Variants in PHF11 observed in about 807,000 individuals in gnomAD.
The protein encoded by PHF11 is BRCA1 C-terminus-associated protein.
In PHF11, 38 loss-of-function variants were observed where a neutral mutation model predicts 40.5. That is an observed-to-expected ratio of 0.94 (90% CI 0.72 to 1.23). The LOEUF is 1.23. Among genes scored for constraint, PHF11 ranks in the 50% most tolerant of loss-of-function variants. PHF11 has a pLI of 0.00. For missense variants in PHF11, 369 were observed against 392.4 expected, an observed-to-expected ratio of 0.94 and a Z score of 0.50; for synonymous variants, 127 against 138.2, an observed-to-expected ratio of 0.92 and a Z score of 0.57.
Position 49,521,056 on chromosome 13 carries a change from A to C in PHF11, c.505+116A>C. 8.5e-6 allele frequency: 12 copies of C among 1,404,760 alleles called. No individual in the cohort carries two copies. In the South Asian group the frequency reaches 9.6e-5, roughly 11 times the overall value. The allele number at this position is 1,404,760 out of a possible 1,614,324, so 87.0% of individuals were successfully genotyped here. On this transcript the variant is annotated intron_variant, in intron 5 of 9. Coordinates refer to ENST00000378319, the MANE Select transcript of PHF11 (RefSeq NM_001040443.3). The stretch of plus-strand genomic sequence containing the variant: ...ATTAAAATACAAATGTTTGAGTTAA[A>C]ATTTTACACATCTAGAAAATTGACA...
Position 49,517,720 on chromosome 13 carries a change from C to A in PHF11, c.325-298C>A, listed in dbSNP as rs547929115. On this transcript the variant is annotated intron_variant, in intron 3 of 9. Transcript: ENST00000378319. ...TGCCCACTCTGCTTTTTAGAAAATT[C>A]TTTTTAAAAGACAGAGACTGTTTTT... Among the ~76,000 whole-genome samples the A allele has an allele frequency of 5.5e-4, 84 of 152,158 alleles. 1 individual carries two copies. Among genetic ancestry groups the A allele is most frequent in the Non-Finnish European group, 1.0e-3 (69 of 68,016 alleles).
rs1164400077 is a variant in PHF11 at position 49,528,735 on chromosome 13, GA to G, written c.*73del. 7 of 1,106,784 alleles carry G rather than the reference GA, an allele frequency of 6.3e-6. No homozygotes were observed. The East Asian group carries it at 1.6e-4, about 26-fold the overall frequency. 68.6% of individuals were successfully genotyped at this position (1,106,784 alleles called of 1,614,324 possible). On this transcript the variant is annotated 3_prime_UTR_variant, in exon 10 of 10. Transcript: ENST00000378319. ...GGCTCAAAACCAGAGACCAGGCTGT[GA>G]AATCCACACATCTTTAGAACTAGTC...
intron 4 of PHF11, 114 bp from the exon 5 acceptor site, chr13:49,520,780 G>T: frequency 1.5e-6 from 1 of 677,240 alleles, no homozygotes; most frequent in Admixed American, 3.3e-5. Flanking sequence ...AAAAACTTTA[G>T]TGTGACGCCG....
At chr13:49,507,851 G>A (rs2139043561) in intron 2 of PHF11, among the ~76,000 whole-genome samples, 1 of 152,272 alleles carries the variant, frequency 6.6e-6, no homozygotes, top group Non-Finnish European at 1.5e-5. Flanking sequence ...TAAGGGAACT[G>A]AGCATTCACG....
At chr13:49,511,327 C>CTTT (rs10627347) in intron 2 of PHF11, among the ~76,000 whole-genome samples, 25,270 of 125,648 alleles carry the variant, frequency 0.2, 3,034 homozygotes, top group Non-Finnish European at 0.24. Context: ...TGTTCAATGG[C>CTTT]TTTTTTTTTT....
chr13:49,518,597 T>C (rs972020175), intron 4 of PHF11: 1 of 152,310 alleles, frequency 6.6e-6, no homozygotes, highest in African/African-American at 2.4e-5. Context: ...GTTAACTCAT[T>C]TAATCCTCAT....
At chr13:49,511,519 G>T (rs1342465870) in intron 2 of PHF11, among the ~76,000 whole-genome samples, 1 of 151,900 alleles carries the variant, frequency 6.6e-6, no homozygotes, top group Admixed American at 6.6e-5. Flanking sequence ...GTAGGGATGG[G>T]GTTTCACCAT....
In PHF11 at chr13:49,523,180, C is replaced by T. The variant is rs766051904; in HGVS notation, c.576C>T (p.Pro192=). The change falls in exon 7 of 10, where the codon CCC becomes CCT. Residue 192 remains proline (P), a synonymous_variant. Coordinates refer to ENST00000378319, the MANE Select transcript of PHF11 (RefSeq NM_001040443.3). The part of the protein sequence containing the change: ...KPLSGNHVQP[P]ETMKCNTFIR... ...ATCTTGATTTTCTCTCCTAGCCACCCGAAACAATGAAATGTAATACATTCA... is the reference window on the plus strand; with the variant it reads ...ATCTTGATTTTCTCTCCTAGCCACCTGAAACAATGAAATGTAATACATTCA... 2.2e-5 allele frequency: 36 copies of T among 1,606,232 alleles called. No homozygotes were observed. The South Asian group carries it at 2.6e-4, about 12-fold the overall frequency.
intron 2 of PHF11, among the ~76,000 whole-genome samples, chr13:49,507,390 A>G (rs1959017118): frequency 6.6e-6 from 1 of 152,172 alleles, no homozygotes. Context: ...CTATATTACC[A>G]TTAACTGTTC....
intron 2 of PHF11, 137 bp downstream of exon 2, chr13:49,506,893 CA>C (rs143299080): frequency 6.9e-6 from 2 of 288,908 alleles, no homozygotes; most frequent in South Asian, 7.4e-5. Flanking sequence ...GATTGGGGAG[CA>C]TTTCTTTTTT....
intron 1 of PHF11, among the ~76,000 whole-genome samples, chr13:49,504,576 C>T (rs1351637274): frequency 3.9e-5 from 5 of 128,796 alleles, no homozygotes; most frequent in South Asian, 5.0e-4. Flanking sequence ...CCAGCCGCCC[C>T]GTCCGGGAGG....
intron 1 of PHF11, chr13:49,497,255 C>CCTCA: frequency 8.4e-7 from 1 of 1,191,404 alleles, no homozygotes; most frequent in Non-Finnish European, 1.1e-6. Context: ...CTGACCTCTT[C>CCTCA]CTCAAACTCC....
chr13:49,507,127 G>T (rs1033233789), intron 2 of PHF11, among the ~76,000 whole-genome samples: 1 of 151,856 alleles, frequency 6.6e-6, no homozygotes, highest in Admixed American at 6.6e-5. Context: ...GGATGATCTC[G>T]ATCTCCTGAC....
chr13:49,496,210 GGCCGGGGCCCTAGAC>G, intron 1 of PHF11, 115 bp downstream of exon 1: 1 of 695,960 alleles, frequency 1.4e-6, no homozygotes, highest in Non-Finnish European at 2.0e-6. Context: ...CCCTACTCCG[GGCCGGGGCCCTAGAC>G]GCCGGGGCGG....
chr13:49,498,832 A>G (rs1360014643), intron 1 of PHF11, among the ~76,000 whole-genome samples: 4 of 152,200 alleles, frequency 2.6e-5, no homozygotes, highest in African/African-American at 9.6e-5. Context: ...ACATGGGCAC[A>G]CACACATATA....
intron 2 of PHF11, among the ~76,000 whole-genome samples, chr13:49,512,198 C>T (rs1186655090): frequency 6.6e-6 from 1 of 152,182 alleles, no homozygotes; most frequent in Admixed American, 6.5e-5. Context: ...CATGAAGTGT[C>T]TATTCAAATT....
chr13:49,523,974 A>G, intron 7 of PHF11, 111 bp from the exon 8 acceptor site: 4 of 699,618 alleles, frequency 5.7e-6, no homozygotes, highest in Non-Finnish European at 9.2e-6. Flanking sequence ...GTATTATTTT[A>G]CTAAGTATGT....
intron 4 of PHF11, chr13:49,518,855 A>G (rs1406414706): frequency 2.0e-5 from 2 of 101,832 alleles, no homozygotes; most frequent in African/African-American, 9.2e-5. Flanking sequence ...TTTTTTTTTG[A>G]GACAGAGTCT....
intron 1 of PHF11, among the ~76,000 whole-genome samples, chr13:49,498,341 A>G (rs914270083): frequency 3.3e-5 from 5 of 152,194 alleles, no homozygotes; most frequent in African/African-American, 1.2e-4. Context: ...AACATAGTAC[A>G]TTTCCGGTAG....
Sources: allele counts gnomAD v4.1 joint callset (sites outside exome capture counted in the v4.1 genomes callset), GRCh38; gene constraint gnomAD v4.1.1; transcripts MANE v1.5; gene names NCBI Gene and HGNC (gene_info 2026-07-23, HGNC 2026-07-21).